The following ATP2B1 variants were observed in gnomAD, a reference collection of about 807,000 sequenced individuals.
ATP2B1 encodes plasma membrane calcium-transporting ATPase 1.
Under a neutral mutation model 124.2 loss-of-function variants are expected in ATP2B1, and 14 were observed. That is an observed-to-expected ratio of 0.11 (90% CI 0.07 to 0.18). The LOEUF is 0.18. Among genes scored for constraint, ATP2B1 ranks in the 10% least tolerant of loss-of-function variants. ATP2B1 has a pLI of 1.00. For synonymous variants in ATP2B1, 449 were observed against 492.4 expected, an observed-to-expected ratio of 0.91 and a Z score of 1.17; for missense variants, 763 against 1,466.1, an observed-to-expected ratio of 0.52 and a Z score of 7.83.
At chr12:89,679,158 G>A (rs1889043288) in intron 1 of ATP2B1, among the ~76,000 whole-genome samples, 1 of 152,058 alleles carries the variant, frequency 6.6e-6, no homozygotes, top group Non-Finnish European at 1.5e-5. Context: ...GGTGGTCTAA[G>A]GCAGAGGTTG....
At chr12:89,676,138 A>G (rs1281417683) in intron 1 of ATP2B1, among the ~76,000 whole-genome samples, 2 of 152,086 alleles carry the variant, frequency 1.3e-5, no homozygotes, top group Non-Finnish European at 2.9e-5. Context: ...GAACCTCCCA[A>G]TCTCCTCTCT....
chr12:89,687,977 A>G (rs1485505373), intron 1 of ATP2B1, among the ~76,000 whole-genome samples: 1 of 152,104 alleles, frequency 6.6e-6, no homozygotes, highest in Non-Finnish European at 1.5e-5. Context: ...AAACAAAAAC[A>G]AAAGTAAACT....
At chr12:89,635,357 T>C in intron 3 of ATP2B1, 106 bp from the exon 4 acceptor site, 1 of 1,288,924 alleles carries the variant, frequency 7.8e-7, no homozygotes, top group Admixed American at 2.5e-5. Context: ...TTTATCAATT[T>C]TACTTATAGC....
Position 89,589,110 on chromosome 12 carries a change from G to A in ATP2B1, c.*1874C>T, listed in dbSNP as rs996499808. 1 of 152,594 alleles carries A rather than the reference G, an allele frequency of 6.6e-6. No individual in the cohort carries two copies. The highest frequency in any genetic ancestry group is 1.9e-4 in the East Asian group (1 of 5,200). 9.5% of individuals were successfully genotyped at this position (152,594 alleles called of 1,614,324 possible). A position where few individuals can be genotyped will look rare whatever the true frequency, so the allele number is the denominator to read the frequency against. On this transcript the variant is annotated 3_prime_UTR_variant, in exon 21 of 21. Coordinates refer to ENST00000428670, the MANE Select transcript of ATP2B1 (RefSeq NM_001366521.1). Reference sequence around the variant, plus strand: ...AAATGTACAATTACAAATGCTGACAGAGCCAATGTGTTTCTAAGACCTGCA... The same window carrying A: ...AAATGTACAATTACAAATGCTGACAAAGCCAATGTGTTTCTAAGACCTGCA...
At chr12:89,679,918 G>C (rs956726776) in intron 1 of ATP2B1, among the ~76,000 whole-genome samples, 1 of 152,098 alleles carries the variant, frequency 6.6e-6, no homozygotes, top group African/African-American at 2.4e-5. Flanking sequence ...AACAGAGAAG[G>C]GAGGTGTCCC....
intron 13 of ATP2B1, chr12:89,610,728 T>A: frequency 2.0e-6 from 1 of 493,400 alleles, no homozygotes; most frequent in Non-Finnish European, 3.6e-6. Context: ...ATAATCTTGC[T>A]AGGTGACTTT....
At chr12:89,606,640 C>G (rs945857271) in intron 15 of ATP2B1, among the ~76,000 whole-genome samples, 5 of 140,720 alleles carry the variant, frequency 3.6e-5, no homozygotes, top group African/African-American at 1.3e-4. Flanking sequence ...GTGGTGCGAT[C>G]TCAGCTCACT....
chr12:89,676,649 A>G (rs1017426165), intron 1 of ATP2B1, among the ~76,000 whole-genome samples: 3 of 152,080 alleles, frequency 2.0e-5, no homozygotes, highest in African/African-American at 4.8e-5. Flanking sequence ...CTTTAACAGG[A>G]TAATAAAGTA....
intron 9 of ATP2B1, among the ~76,000 whole-genome samples, chr12:89,622,644 C>T (rs545287871): frequency 1.3e-5 from 2 of 152,050 alleles, no homozygotes; most frequent in South Asian, 2.1e-4. Flanking sequence ...ATGTGAAAAA[C>T]GGATGTGTAT....
intron 1 of ATP2B1, among the ~76,000 whole-genome samples, chr12:89,668,110 G>T (rs1287214916): frequency 1.3e-5 from 2 of 152,130 alleles, no homozygotes; most frequent in Non-Finnish European, 2.9e-5. Context: ...GTTTAATATA[G>T]CTGAACACAG....
At chr12:89,599,425 A>G in intron 19 of ATP2B1, 126 bp from the exon 20 acceptor site, 1 of 977,812 alleles carries the variant, frequency 1.0e-6, no homozygotes, top group Non-Finnish European at 1.5e-6. Context: ...AAGTAATGGG[A>G]TCCTGTTGAT....
intron 2 of ATP2B1, among the ~76,000 whole-genome samples, chr12:89,642,760 A>T (rs1883757211): frequency 6.6e-6 from 1 of 152,084 alleles, no homozygotes; most frequent in South Asian, 2.1e-4. Context: ...GCATGCCACC[A>T]CACCCGGCTA....
At chr12:89,662,065 TA>T (rs1440852638) in intron 1 of ATP2B1, among the ~76,000 whole-genome samples, 1 of 152,142 alleles carries the variant, frequency 6.6e-6, no homozygotes, top group Non-Finnish European at 1.5e-5. Context: ...AAAAGTTATT[TA>T]AAGGCAACAA....
intron 5 of ATP2B1, among the ~76,000 whole-genome samples, chr12:89,634,159 C>A (rs911669084): frequency 2.0e-5 from 3 of 152,122 alleles, no homozygotes; most frequent in Non-Finnish European, 2.9e-5. Context: ...CCTCACCTAT[C>A]CTTCCCTTCT....
At chr12:89,616,728 C>A in intron 12 of ATP2B1, 74 bp downstream of exon 12, 9 of 1,355,378 alleles carry the variant, frequency 6.6e-6, no homozygotes, top group South Asian at 5.5e-5. Context: ...TACTAGAAAA[C>A]TGGTTACAAT....
At chr12:89,628,358 C>T (rs947723911) in intron 6 of ATP2B1, among the ~76,000 whole-genome samples, 3 of 131,426 alleles carry the variant, frequency 2.3e-5, no homozygotes, top group African/African-American at 8.7e-5. Context: ...GCCAAGATCA[C>T]GCCATTGCAC....
chr12:89,624,750 C>T (rs1189915232), intron 8 of ATP2B1, among the ~76,000 whole-genome samples: 1 of 152,114 alleles, frequency 6.6e-6, no homozygotes, highest in Non-Finnish European at 1.5e-5. Context: ...AGGCAAGCTC[C>T]CTGATGCTTA....
At chr12:89,607,534 T>C (rs1877152666) in intron 15 of ATP2B1, among the ~76,000 whole-genome samples, 3 of 152,200 alleles carry the variant, frequency 2.0e-5, no homozygotes, top group Admixed American at 6.5e-5. Flanking sequence ...ACAGTCTCAA[T>C]ATTTGGAGTC....
chr12:89,670,302 A>C (rs1370474230), intron 1 of ATP2B1, among the ~76,000 whole-genome samples: 1 of 152,214 alleles, frequency 6.6e-6, no homozygotes, highest in Admixed American at 6.5e-5. Context: ...TACGTTTAAC[A>C]ATAAATAAAA....
Sources: allele counts gnomAD v4.1 joint callset (sites outside exome capture counted in the v4.1 genomes callset), GRCh38; gene constraint gnomAD v4.1.1; transcripts MANE v1.5; gene names NCBI Gene and HGNC (gene_info 2026-07-23, HGNC 2026-07-21).